Variants in NFIA observed in about 807,000 individuals in gnomAD.
NFIA encodes nuclear factor I A.
In NFIA, 8 loss-of-function variants were observed where a neutral mutation model predicts 62.8. That is an observed-to-expected ratio of 0.13 (90% confidence interval 0.07 to 0.23). The LOEUF is 0.23. Ranked by LOEUF, NFIA falls within the 10% of genes least tolerant of loss-of-function variation. The pLI is 1.00. For synonymous variants in NFIA, 235 were observed against 238.1 expected, an observed-to-expected ratio of 0.99 and a Z score of 0.12; for missense variants, 410 against 642.1, an observed-to-expected ratio of 0.64 and a Z score of 3.91.
In NFIA at chr1:61,406,580, G is replaced by A. The variant is rs756460825; in HGVS notation, c.1273G>A (p.Gly425Ser). Residue 425 changes from glycine to serine, a missense_variant, in exon 9 of 11, where the codon GGC becomes AGC. Coordinates refer to ENST00000403491, the MANE Select transcript of NFIA (RefSeq NM_001134673.4). ...CCCACAGCCCAATGGGAGCAGCCAA[G>A]GCAAGGTGCACAACCCATTCCTTCC... ...GFLNPNGSSQGKVHNPFLPTP... is the reference protein window; with the variant it reads ...GFLNPNGSSQSKVHNPFLPTP... 1 of 1,266,942 alleles carries A rather than the reference G, an allele frequency of 7.9e-7. No homozygotes were observed. Among genetic ancestry groups the A allele is most frequent in the South Asian group, 1.2e-5 (1 of 83,366 alleles). The allele number at this position is 1,266,942 out of a possible 1,614,324, so 78.5% of individuals were successfully genotyped here.
chr1:61,196,126 T>G (rs141544497), intron 2 of NFIA, among the ~76,000 whole-genome samples: 34 of 152,320 alleles, frequency 2.2e-4, no homozygotes, highest in African/African-American at 8.2e-4. Flanking sequence ...TGTTCTTGTC[T>G]TATGTGTAGG....
At chr1:61,200,596 A>T (rs557338751) in intron 2 of NFIA, among the ~76,000 whole-genome samples, 2 of 152,284 alleles carry the variant, frequency 1.3e-5, no homozygotes, top group South Asian at 2.1e-4. Context: ...AAAATAAAAA[A>T]CAGTATCATA....
chr1:61,402,922 A>T (rs1308494102), intron 7 of NFIA, among the ~76,000 whole-genome samples: 2 of 152,158 alleles, frequency 1.3e-5, no homozygotes, highest in Admixed American at 1.3e-4. Flanking sequence ...GGAACAAAGA[A>T]CCTATGCCCA....
intron 3 of NFIA, among the ~76,000 whole-genome samples, chr1:61,286,977 G>T (rs1658542612): frequency 6.6e-6 from 1 of 152,134 alleles, no homozygotes; most frequent in Admixed American, 6.5e-5. Flanking sequence ...GGCTTGAAGG[G>T]TACAAACAAG....
Position 61,455,429 on chromosome 1 carries a change from A to G in NFIA, c.*109A>G, listed in dbSNP as rs975717881. 2.5e-6 allele frequency: 4 copies of G among 1,574,972 alleles called. No individual in the cohort carries two copies. The highest frequency in any genetic ancestry group is 3.5e-5 in the Admixed American group (2 of 56,946). On this transcript the variant is annotated 3_prime_UTR_variant, in exon 11 of 11. Transcript: ENST00000403491. ...CAGTTACAACTTCACTATCAGCGGAAGGGGAGAAAAACCGATTCAAATCAA... is the reference window on the plus strand; with the variant it reads ...CAGTTACAACTTCACTATCAGCGGAGGGGGAGAAAAACCGATTCAAATCAA...
chr1:61,155,851 C>G (rs997158738), intron 2 of NFIA, among the ~76,000 whole-genome samples: 7 of 149,562 alleles, frequency 4.7e-5, no homozygotes, highest in African/African-American at 1.7e-4. Context: ...GAATTAAAAA[C>G]CTTGGCTGGG....
At chr1:61,200,395 T>C (rs906455061) in intron 2 of NFIA, among the ~76,000 whole-genome samples, 24 of 152,076 alleles carry the variant, frequency 1.6e-4, no homozygotes, top group African/African-American at 5.3e-4. Context: ...AATCAACACA[T>C]TTTTAGACTT....
At chr1:61,405,464 G>A (rs1665770943) in intron 8 of NFIA, among the ~76,000 whole-genome samples, 1 of 152,142 alleles carries the variant, frequency 6.6e-6, no homozygotes, top group African/African-American at 2.4e-5. Context: ...TGTTGATGGG[G>A]GAGTGAGACT....
chr1:61,379,802 C>T (rs1476003756), intron 6 of NFIA, among the ~76,000 whole-genome samples: 1 of 152,160 alleles, frequency 6.6e-6, no homozygotes, highest in African/African-American at 2.4e-5. Flanking sequence ...ATCCTCCTGT[C>T]TCAGCCTCCC....
At chr1:61,130,915 A>G (rs1647060869) in intron 2 of NFIA, among the ~76,000 whole-genome samples, 1 of 152,230 alleles carries the variant, frequency 6.6e-6, no homozygotes, top group Non-Finnish European at 1.5e-5. Context: ...CTCACAGACT[A>G]GGGCTATGAC....
At chr1:61,369,777 C>T (rs1397844998) in intron 6 of NFIA, among the ~76,000 whole-genome samples, 1 of 151,974 alleles carries the variant, frequency 6.6e-6, no homozygotes, top group Non-Finnish European at 1.5e-5. Flanking sequence ...AAGCTATATG[C>T]ACACATATAT....
chr1:61,233,642 C>T (rs940586660), intron 2 of NFIA, among the ~76,000 whole-genome samples: 1 of 152,150 alleles, frequency 6.6e-6, no homozygotes, highest in African/African-American at 2.4e-5. Flanking sequence ...GAACAAATTC[C>T]TTAATTTCTC....
chr1:61,077,681 A>C, upstream of NFIA: 4 of 1,338,618 alleles, frequency 3.0e-6, no homozygotes, highest in Non-Finnish European at 3.9e-6. Context: ...TATGCGTTTT[A>C]TAAACAATGG....
intron 2 of NFIA, among the ~76,000 whole-genome samples, chr1:61,237,552 CAAATA>C (rs1655082266): frequency 6.6e-6 from 1 of 152,274 alleles, no homozygotes; most frequent in African/African-American, 2.4e-5. Context: ...AGTAAACAAA[CAAATA>C]AAACCCATTG....
chr1:61,245,033 G>T (rs1655556891), intron 2 of NFIA, among the ~76,000 whole-genome samples: 1 of 152,134 alleles, frequency 6.6e-6, no homozygotes, highest in Admixed American at 6.5e-5. Flanking sequence ...TGCTAGGTTT[G>T]TCCAACTCAA....
chr1:61,200,044 A>ATG (rs1652349681), intron 2 of NFIA, among the ~76,000 whole-genome samples: 4 of 50,248 alleles, frequency 8.0e-5, no homozygotes, highest in South Asian at 7.9e-4. Context: ...ATATATATAT[A>ATG]TATATATATA....
chr1:61,352,616 C>T (rs747536614), intron 5 of NFIA, 49 bp downstream of exon 5: 8 of 1,391,360 alleles, frequency 5.7e-6, no homozygotes, highest in African/African-American at 1.4e-5. Flanking sequence ...TGGTTGCACA[C>T]CTTGATTTTA....
chr1:61,455,430 G>T lies in NFIA; in HGVS notation c.*110G>T. 6.4e-7 allele frequency: 1 copy of T among 1,574,626 alleles called. No individual in the cohort carries two copies. Among genetic ancestry groups the T allele is most frequent in the Non-Finnish European group, 8.7e-7 (1 of 1,150,374 alleles). ...AGTTACAACTTCACTATCAGCGGAA[G>T]GGGAGAAAAACCGATTCAAATCAAC... On this transcript the variant is annotated 3_prime_UTR_variant, in exon 11 of 11. Transcript: ENST00000403491.
chr1:61,257,700 CTTTG>C (rs1361356932), intron 2 of NFIA, among the ~76,000 whole-genome samples: 3 of 151,484 alleles, frequency 2.0e-5, no homozygotes, highest in African/African-American at 7.3e-5. Flanking sequence ...TTTCCTTCAT[CTTTG>C]TTTATTTATT....
Sources: gnomAD v4.1 joint callset for allele counts (sites outside exome capture counted in the v4.1 genomes callset) on GRCh38, gnomAD v4.1.1 for gene constraint, MANE v1.5 for transcripts, NCBI Gene and HGNC (gene_info 2026-07-23, HGNC 2026-07-21) for gene names.